NDC1: variants seen among roughly 807,000 people sequenced by gnomAD.
The protein encoded by NDC1 is NDC1 transmembrane nucleoporin.
Under a neutral mutation model 89.8 loss-of-function variants are expected in NDC1, and 24 were observed. That is an observed-to-expected ratio of 0.27 (90% CI 0.19 to 0.38). The LOEUF (loss-of-function observed/expected upper bound fraction) is 0.38. NDC1 is among the 10% of genes least tolerant of loss of function. The pLI is 1.00. For synonymous variants in NDC1, 296 were observed against 284.8 expected (o/e 1.04, Z -0.39); for missense variants, 728 against 797.6 (o/e 0.91, Z 1.05).
Position 53,838,189 on chromosome 1 carries a change from T to C in NDC1, c.57+16A>G, listed in dbSNP as rs1228283527. 1 of 1,531,698 alleles carries C rather than the reference T, an allele frequency of 6.5e-7. No homozygotes were observed. The highest frequency in any genetic ancestry group is 8.7e-7 in the Non-Finnish European group (1 of 1,143,946). 94.9% of individuals were successfully genotyped at this position (1,531,698 alleles called of 1,614,324 possible). On this transcript the variant is annotated intron_variant, in intron 1 of 17. Transcript: ENST00000371429. ...CCGACCCTGGCAGTGCGTGCCACAGTGCACGCCGCACTCACGCGCCACAGT... is the reference window on the plus strand; with the variant it reads ...CCGACCCTGGCAGTGCGTGCCACAGCGCACGCCGCACTCACGCGCCACAGT...
intron 16 of NDC1, among the ~76,000 whole-genome samples, chr1:53,783,777 C>T (rs890030623): frequency 2.6e-5 from 4 of 152,248 alleles, no homozygotes; most frequent in Admixed American, 1.3e-4. Flanking sequence ...GTTATGATTC[C>T]GCAAGAAGGC....
chr1:53,779,371 T>C (rs1382084727), intron 16 of NDC1, among the ~76,000 whole-genome samples: 8 of 152,114 alleles, frequency 5.3e-5, no homozygotes, highest in African/African-American at 1.4e-4. Context: ...TTTTTTTTTT[T>C]ACATTTTATA....
chr1:53,799,274 A>G (rs1457545898), intron 11 of NDC1, among the ~76,000 whole-genome samples: 1 of 152,244 alleles, frequency 6.6e-6, no homozygotes, highest in African/African-American at 2.4e-5. Flanking sequence ...CTAAAAGGTC[A>G]GATCCAAGAG....
intron 16 of NDC1, among the ~76,000 whole-genome samples, chr1:53,774,479 A>G (rs1367285414): frequency 6.6e-6 from 1 of 152,186 alleles, no homozygotes; most frequent in Non-Finnish European, 1.5e-5. Flanking sequence ...TACCAGGAAA[A>G]ATAATCATCA....
At chr1:53,822,056 A>G (rs1387951758) in intron 5 of NDC1, among the ~76,000 whole-genome samples, 2 of 152,226 alleles carry the variant, frequency 1.3e-5, no homozygotes, top group African/African-American at 4.8e-5. Context: ...CTCACAGAAC[A>G]AAGAATCTGA....
In NDC1 at chr1:53,834,415, C is replaced by T. The variant is rs561401694; in HGVS notation, c.178+1085G>A. ...ATTTCACCTGACCAGTGGGACCTAT[C>T]GAAAAAGTGATGGACGTACGTCAAC... On this transcript the variant is annotated intron_variant, in intron 2 of 17. Transcript: ENST00000371429. Among the ~76,000 whole-genome samples, 23 of 152,216 alleles carry T rather than the reference C, an allele frequency of 1.5e-4. No individual in the cohort carries two copies. The South Asian group carries it at 3.9e-3, about 26-fold the overall frequency.
intron 13 of NDC1, among the ~76,000 whole-genome samples, chr1:53,795,409 T>C: frequency 6.6e-6 from 1 of 152,286 alleles, no homozygotes; most frequent in African/African-American, 2.4e-5. Flanking sequence ...TTACTAAGTA[T>C]TTTCACCTGG....
intron 5 of NDC1, among the ~76,000 whole-genome samples, chr1:53,820,913 C>T (rs1648651036): frequency 6.6e-6 from 1 of 151,092 alleles, no homozygotes; most frequent in South Asian, 2.1e-4. Flanking sequence ...GCCATATTGC[C>T]CAGGCTGCTC....
intron 14 of NDC1, among the ~76,000 whole-genome samples, chr1:53,790,494 G>A (rs1406734006): frequency 2.0e-5 from 3 of 151,974 alleles, no homozygotes; most frequent in Non-Finnish European, 4.4e-5. Context: ...ATAACCTGAG[G>A]TCAGGAGTTT....
intron 13 of NDC1, among the ~76,000 whole-genome samples, chr1:53,794,493 G>C (rs1237800490): frequency 1.3e-5 from 2 of 152,186 alleles, no homozygotes; most frequent in Non-Finnish European, 2.9e-5. Context: ...GGATCCCGAA[G>C]TTTATGAAAT....
intron 16 of NDC1, among the ~76,000 whole-genome samples, chr1:53,782,591 AT>A (rs1647221866): frequency 1.3e-5 from 2 of 152,372 alleles, no homozygotes; most frequent in Admixed American, 6.5e-5. Flanking sequence ...CAGCAAGGAC[AT>A]GAAACGGCTG....
Position 53,772,394 on chromosome 1 carries a change from A to T in NDC1, c.1896T>A (p.Phe632Leu). ...LVDTSYKTLR[F>L]AFRASLKTAI... Reference sequence around the variant, plus strand: ...CAGTTTTCAGTGATGCTCTGAATGCAAATCTTAATGTTTTATATGAAGTGT... The same window carrying T: ...CAGTTTTCAGTGATGCTCTGAATGCTAATCTTAATGTTTTATATGAAGTGT... The change falls in exon 17 of 18, where the codon TTT (phenylalanine) becomes TTA (leucine). Residue 632 changes from phenylalanine (F) to leucine (L), a missense_variant. Physicochemically the swap from Phe to Leu is conservative, Grantham distance 22. Transcript: ENST00000371429. The T allele has an allele frequency of 6.2e-7, 1 of 1,613,998 alleles. No homozygotes were observed. The highest frequency in any genetic ancestry group is 8.5e-7 in the Non-Finnish European group (1 of 1,179,886).
intron 6 of NDC1, among the ~76,000 whole-genome samples, chr1:53,813,487 A>G (rs1173675971): frequency 6.6e-6 from 1 of 152,226 alleles, no homozygotes; most frequent in Non-Finnish European, 1.5e-5. Flanking sequence ...CTATTCTTAT[A>G]TCAGACAAAA....
rs1317207579 is a variant in NDC1, at chr1:53,766,986, C to T, written c.*984G>A. On this transcript the variant is annotated 3_prime_UTR_variant, in exon 18 of 18. Coordinates refer to ENST00000371429, the MANE Select transcript of NDC1 (RefSeq NM_018087.5). ...TTTGGTTTCACTTGCTATTTGATGA[C>T]TAAGTTGTTTCTGGCTATAAAGATC... 1 of 152,164 alleles carries T rather than the reference C, an allele frequency of 6.6e-6. No homozygotes were observed. Among genetic ancestry groups the T allele is most frequent in the South Asian group, 2.1e-4 (1 of 4,822 alleles). 9.4% of individuals were successfully genotyped at this position (152,164 alleles called of 1,614,324 possible).
At chr1:53,832,058 C>T (rs554425247) in intron 3 of NDC1, among the ~76,000 whole-genome samples, 31 of 151,896 alleles carry the variant, frequency 2.0e-4, no homozygotes, top group Non-Finnish European at 4.1e-4. Context: ...TAATAAAATT[C>T]ACTATTCGAA....
chr1:53,828,770 C>A (rs947542753), intron 3 of NDC1, among the ~76,000 whole-genome samples: 1 of 152,006 alleles, frequency 6.6e-6, no homozygotes, highest in Non-Finnish European at 1.5e-5. Flanking sequence ...TGCCACCATG[C>A]CTGGCTAGTT....
At chr1:53,805,044 C>A (rs1228640076) in intron 9 of NDC1, among the ~76,000 whole-genome samples, 1 of 152,066 alleles carries the variant, frequency 6.6e-6, no homozygotes, top group Non-Finnish European at 1.5e-5. Flanking sequence ...GGTGAGTAAC[C>A]AAATGAGTAA....
chr1:53,806,527 A>G lies in NDC1; in HGVS notation c.892-10T>C. The G allele has an allele frequency of 6.9e-7, 1 of 1,455,654 alleles. No homozygotes were observed. The highest frequency in any genetic ancestry group is 9.1e-7 in the Non-Finnish European group (1 of 1,101,614). 90.2% of individuals were successfully genotyped at this position (1,455,654 alleles called of 1,614,324 possible). On this transcript the variant is annotated splice_polypyrimidine_tract_variant and intron_variant, in intron 8 of 17. Coordinates refer to ENST00000371429, the MANE Select transcript of NDC1 (RefSeq NM_018087.5). ...CAGGAAACACATGAGCCTATCAAAT[A>G]AATTAAAAACCAAAAATGATTATTT...
chr1:53,791,774 G>T (rs1647513270), intron 14 of NDC1, among the ~76,000 whole-genome samples: 1 of 152,180 alleles, frequency 6.6e-6, no homozygotes. Flanking sequence ...TACTGTCTCT[G>T]TGCCCTTAGG....
Sources: allele counts gnomAD v4.1 joint callset (sites outside exome capture counted in the v4.1 genomes callset), GRCh38; gene constraint gnomAD v4.1.1; transcripts MANE v1.5; gene names NCBI Gene and HGNC (gene_info 2026-07-23, HGNC 2026-07-21).